Variants in GPC6 observed in about 807,000 individuals in gnomAD.
The protein encoded by GPC6 is glypican 6, also known as glypican-6.
Under a neutral mutation model 55.2 loss-of-function variants are expected in GPC6, and 14 were observed. The observed-to-expected ratio is 0.25, with a 90% confidence interval of 0.17 to 0.40. GPC6 has a LOEUF of 0.40. GPC6 is among the 10% of genes least tolerant of loss of function. GPC6 has a pLI of 1.00. For synonymous variants in GPC6, 278 were observed against 259.6 expected (o/e 1.07, Z -0.68); for missense variants, 641 against 708.5 (o/e 0.90, Z 1.08).
intron 3 of GPC6, among the ~76,000 whole-genome samples, chr13:93,948,154 A>G (rs1035872878): frequency 4.6e-5 from 7 of 152,184 alleles, no homozygotes; most frequent in Middle Eastern, 3.2e-3. Context: ...TGGAGTGGTA[A>G]CAACAGACAC....
chr13:94,030,333 C>T lies in GPC6; in HGVS notation c.877+2439C>T, dbSNP rs546479917. Among the ~76,000 whole-genome samples the T allele has an allele frequency of 2.6e-4, 40 of 152,062 alleles. 1 individual carries two copies. In the South Asian group the frequency reaches 8.1e-3, roughly 31 times the overall value. ...CCCTCTGTCTCTTTTTTTAATTAGT[C>T]CTAGATGTCTTTGAGAAAATTCTTC... On this transcript the variant is annotated intron_variant, in intron 4 of 8. Transcript: ENST00000377047.
At chr13:94,293,690 T>G (rs1182863851) in intron 5 of GPC6, among the ~76,000 whole-genome samples, 3 of 152,188 alleles carry the variant, frequency 2.0e-5, no homozygotes, top group African/African-American at 7.2e-5. Context: ...ATTCATTTCC[T>G]TATTATACAG....
chr13:94,369,727 G>A (rs1450244972), intron 6 of GPC6, among the ~76,000 whole-genome samples: 1 of 151,382 alleles, frequency 6.6e-6, no homozygotes, highest in Non-Finnish European at 1.5e-5. Flanking sequence ...AGATTGGGGG[G>A]ATCATCTGAG....
intron 4 of GPC6, among the ~76,000 whole-genome samples, chr13:94,162,510 GT>G: frequency 6.6e-6 from 1 of 152,162 alleles, no homozygotes; most frequent in East Asian, 1.9e-4. Context: ...TGAGTGTGTT[GT>G]TGGCTGGCTC....
intron 2 of GPC6, among the ~76,000 whole-genome samples, chr13:93,757,398 A>T (rs981135441): frequency 1.3e-5 from 2 of 152,116 alleles, no homozygotes; most frequent in Non-Finnish European, 2.9e-5. Flanking sequence ...TGTAGCTTGG[A>T]GCAGCACAAT....
chr13:93,955,144 C>T (rs548346190), intron 3 of GPC6, among the ~76,000 whole-genome samples: 3 of 151,770 alleles, frequency 2.0e-5, no homozygotes, highest in East Asian at 2.0e-4. Flanking sequence ...TTCCTTTTAT[C>T]GTATTTTTTG....
chr13:94,190,941 C>G (rs1216349890), intron 4 of GPC6, among the ~76,000 whole-genome samples: 1 of 151,928 alleles, frequency 6.6e-6, no homozygotes, highest in East Asian at 1.9e-4. Flanking sequence ...AATGTGTATA[C>G]TATCTCACAT....
chr13:94,256,826 G>A (rs1891521073), intron 4 of GPC6, among the ~76,000 whole-genome samples: 1 of 152,142 alleles, frequency 6.6e-6, no homozygotes, highest in South Asian at 2.1e-4. Context: ...TATAGGTGGA[G>A]GGAGCTGTAA....
chr13:94,074,307 A>G (rs893082064), intron 4 of GPC6, among the ~76,000 whole-genome samples: 2 of 152,222 alleles, frequency 1.3e-5, no homozygotes, highest in African/African-American at 4.8e-5. Context: ...TCAAGAGCAT[A>G]TGTGGTGTAA....
chr13:93,939,858 C>T (rs1878643733), intron 3 of GPC6, among the ~76,000 whole-genome samples: 1 of 152,024 alleles, frequency 6.6e-6, no homozygotes, highest in Admixed American at 6.6e-5. Context: ...CATATTTAAT[C>T]TCCACAAAAT....
chr13:93,943,887 G>A (rs375835820), intron 3 of GPC6, among the ~76,000 whole-genome samples: 12 of 152,176 alleles, frequency 7.9e-5, no homozygotes, highest in South Asian at 4.1e-4. Context: ...TGCTGTTTCC[G>A]TCATAGTACT....
chr13:93,971,557 G>C (rs1880283724), intron 3 of GPC6, among the ~76,000 whole-genome samples: 1 of 152,184 alleles, frequency 6.6e-6, no homozygotes, highest in Non-Finnish European at 1.5e-5. Flanking sequence ...GGAACAAAAG[G>C]AAGCTCTCCC....
rs568187595 is a variant in GPC6, at chr13:94,030,905, TTCAG to T, written c.877+3017_877+3020del. ...GAAAGTGGTTAGTGACTGTTTAGAG[TTCAG>T]TCAGTGTCTGGATCATGTCAAAAGA... On this transcript the variant is annotated intron_variant, in intron 4 of 8. Coordinates refer to ENST00000377047, the MANE Select transcript of GPC6 (RefSeq NM_005708.5). Among the ~76,000 whole-genome samples the T allele has an allele frequency of 6.6e-5, 10 of 152,164 alleles. No homozygotes were observed. The South Asian group carries it at 1.9e-3, about 28-fold the overall frequency.
rs115895708 is a variant in GPC6, at chr13:93,316,530, A to T, written c.160+88914A>T. Among the ~76,000 whole-genome samples the T allele has an allele frequency of 7.5e-3, 1,136 of 152,180 alleles. 13 individuals are homozygous for T. Among genetic ancestry groups the T allele is most frequent in the African/African-American group, 0.026 (1,070 of 41,550 alleles). On this transcript the variant is annotated intron_variant, in intron 1 of 8. Coordinates refer to ENST00000377047, the MANE Select transcript of GPC6 (RefSeq NM_005708.5). Reference sequence around the variant, plus strand: ...ATAATGTGAAAGTATGCTCTAGGGCATAAAGGGAAAAAATGATGAGAGTGT... The same window carrying T: ...ATAATGTGAAAGTATGCTCTAGGGCTTAAAGGGAAAAAATGATGAGAGTGT...
In GPC6 at chr13:93,547,785, TTAA is replaced by T. The variant is rs201943774; in HGVS notation, c.319+2381_319+2383del. 4.7e-3 allele frequency among the ~76,000 whole-genome samples: 713 copies of T among 150,526 alleles called. 7 individuals carry two copies. Among genetic ancestry groups the T allele is most frequent in the African/African-American group, 0.016 (638 of 40,044 alleles). Reference sequence around the variant, plus strand: ...ATCTCAACTCCTGAAGCACTTAGACTTAATAATAATAATAATAATCATCATCAT... The same window carrying T: ...ATCTCAACTCCTGAAGCACTTAGACTTAATAATAATAATAATCATCATCAT... On this transcript the variant is annotated intron_variant, in intron 2 of 8. Coordinates refer to ENST00000377047, the MANE Select transcript of GPC6 (RefSeq NM_005708.5).
intron 6 of GPC6, among the ~76,000 whole-genome samples, chr13:94,356,511 GA>G (rs1878803030): frequency 6.6e-6 from 1 of 152,202 alleles, no homozygotes; most frequent in Non-Finnish European, 1.5e-5. Flanking sequence ...GAGAGTACCT[GA>G]AAAAGAGTAG....
chr13:93,885,079 C>A (rs903147385), intron 3 of GPC6, among the ~76,000 whole-genome samples: 1 of 151,870 alleles, frequency 6.6e-6, no homozygotes, highest in Non-Finnish European at 1.5e-5. Flanking sequence ...TTAAAAAGTC[C>A]TTGAAGAGTA....
chr13:94,058,959 C>T (rs1222460287), intron 4 of GPC6, among the ~76,000 whole-genome samples: 2 of 151,992 alleles, frequency 1.3e-5, no homozygotes, highest in Non-Finnish European at 2.9e-5. Flanking sequence ...AGTTTATGTT[C>T]TAAGTGTTTT....
At chr13:93,949,479 G>A (rs1005294980) in intron 3 of GPC6, among the ~76,000 whole-genome samples, 1 of 152,076 alleles carries the variant, frequency 6.6e-6, no homozygotes, top group Non-Finnish European at 1.5e-5. Context: ...GATTTTCAAG[G>A]ATCCCCAAGT....
Sources: allele counts gnomAD v4.1 joint callset (sites outside exome capture counted in the v4.1 genomes callset), GRCh38; gene constraint gnomAD v4.1.1; transcripts MANE v1.5; gene names NCBI Gene and HGNC (gene_info 2026-07-23, HGNC 2026-07-21).